The following PPP6R3 variants were observed in gnomAD, a reference collection of about 807,000 sequenced individuals.
The protein encoded by PPP6R3 is serine/threonine-protein phosphatase 6 regulatory subunit 3.
A neutral mutation model predicts 110.7 loss-of-function variants in PPP6R3; 38 were observed. The observed-to-expected ratio is 0.34, with a 90% CI of 0.26 to 0.45. The LOEUF (loss-of-function observed/expected upper bound fraction) is 0.45. Ranked by LOEUF, PPP6R3 falls within the 20% of genes least tolerant of loss-of-function variation. The pLI is 1.00. For synonymous variants in PPP6R3, 369 were observed against 373.5 expected (o/e 0.99, Z 0.14); for missense variants, 870 against 1,062.4 (o/e 0.82, Z 2.52).
intron 1 of PPP6R3, among the ~76,000 whole-genome samples, chr11:68,474,505 G>C (rs1465774308): frequency 6.6e-6 from 1 of 152,038 alleles, no homozygotes; most frequent in East Asian, 1.9e-4. Context: ...CATGTTCATG[G>C]TGAGATTGGC....
chr11:68,574,987 C>T (rs1280122783), intron 13 of PPP6R3, among the ~76,000 whole-genome samples: 3 of 152,160 alleles, frequency 2.0e-5, no homozygotes. Flanking sequence ...AGAGGCTATT[C>T]CCTGTTGAAT....
chr11:68,599,862 GC>G (rs2099625532), intron 19 of PPP6R3, among the ~76,000 whole-genome samples: 1 of 151,842 alleles, frequency 6.6e-6, no homozygotes, highest in African/African-American at 2.4e-5. Context: ...GGTGGCTCAC[GC>G]CTGTAATCCC....
intron 15 of PPP6R3, chr11:68,586,696 C>G (rs1221797269): frequency 1.3e-5 from 2 of 152,176 alleles, no homozygotes; most frequent in African/African-American, 4.8e-5. Flanking sequence ...GTATAGATAC[C>G]TTCCAAAGCC....
intron 2 of PPP6R3, among the ~76,000 whole-genome samples, chr11:68,536,851 C>T (rs1264795990): frequency 6.6e-6 from 1 of 152,150 alleles, no homozygotes; most frequent in African/African-American, 2.4e-5. Flanking sequence ...CTACTGAGGT[C>T]TTTTCCTGTG....
chr11:68,542,389 G>GTTTTTTTTTGTTTTTTTTTTTTT (rs1555132287), intron 3 of PPP6R3, among the ~76,000 whole-genome samples: 4 of 40,188 alleles, frequency 1.0e-4, no homozygotes, highest in Non-Finnish European at 1.7e-4. Flanking sequence ...AGAAGCTGCT[G>GTTTTTTTTTGTTTTTTTTTTTTT]TTTTTTTTTT....
At chr11:68,521,389 TTC>T (rs929112734) in intron 2 of PPP6R3, among the ~76,000 whole-genome samples, 1 of 152,244 alleles carries the variant, frequency 6.6e-6, no homozygotes, top group Non-Finnish European at 1.5e-5. Flanking sequence ...GAGACTTTCC[TTC>T]TCTCTCCTTG....
Position 68,596,113 on chromosome 11 carries a change from A to C in PPP6R3, c.1933A>C (p.Ser645Arg). ...QRRSSSGSTD[S>R]EESTDSEEED... ...TTTCCTTAGCTCGGGGAGTACAGAC[A>C]GTGAGGAAAGTACAGACTCTGAAGA... The change falls in exon 19 of 24, where the codon AGT (serine) becomes CGT (arginine). Residue 645 changes from serine (S) to arginine (R), a missense_variant. Physicochemically the swap from Ser to Arg is moderately radical, Grantham distance 110. Coordinates refer to ENST00000393800, the MANE Select transcript of PPP6R3 (RefSeq NM_001164161.2). The C allele has an allele frequency of 6.2e-7, 1 of 1,614,240 alleles. No individual in the cohort carries two copies. Among genetic ancestry groups the C allele is most frequent in the Non-Finnish European group, 8.5e-7 (1 of 1,180,028 alleles).
At position 68,613,332 on chromosome 11, in the gene PPP6R3, G is replaced by T; in HGVS notation, c.*215G>T. The stretch of plus-strand genomic sequence containing the variant: ...ATTGACAAATACCAAGAATTTTTGC[G>T]TATGTTTATATTGTATTGTTCTAAA... On this transcript the variant is annotated 3_prime_UTR_variant, in exon 24 of 24. Transcript: ENST00000393800. 5 of 1,336,874 alleles carry T rather than the reference G, an allele frequency of 3.7e-6. No homozygotes were observed. The highest frequency in any genetic ancestry group is 4.8e-6 in the Non-Finnish European group (5 of 1,045,990). The allele number at this position is 1,336,874 out of a possible 1,614,324, so 82.8% of individuals were successfully genotyped here.
chr11:68,462,932 A>T (rs1337146529), intron 1 of PPP6R3, among the ~76,000 whole-genome samples: 2 of 152,340 alleles, frequency 1.3e-5, no homozygotes, highest in East Asian at 3.9e-4. Flanking sequence ...TTAGAACTCT[A>T]GCCTTTGTGT....
intron 18 of PPP6R3, among the ~76,000 whole-genome samples, chr11:68,591,966 A>G (rs1775125864): frequency 1.3e-5 from 2 of 152,248 alleles, no homozygotes; most frequent in African/African-American, 4.8e-5. Context: ...AATGTTGCAG[A>G]CAAGCGTAGT....
chr11:68,551,015 A>G, intron 5 of PPP6R3, 106 bp from the exon 6 acceptor site: 1 of 806,756 alleles, frequency 1.2e-6, no homozygotes, highest in Non-Finnish European at 2.0e-6. Context: ...GAAACCTGTA[A>G]CATTCTACTT....
In PPP6R3 at chr11:68,558,658, T is replaced by C. The variant is rs2099408118; in HGVS notation, c.824T>C (p.Leu275Ser). The C allele has an allele frequency of 6.2e-7, 1 of 1,610,972 alleles. No individual in the cohort carries two copies. The highest frequency in any genetic ancestry group is 8.5e-7 in the Non-Finnish European group (1 of 1,178,524). The change falls in exon 8 of 24, where the codon TTA (leucine) becomes TCA (serine). Residue 275 changes from leucine (L) to serine (S), a missense_variant. Transcript: ENST00000393800. ...AGTGCAATCCAGATATTGCTGACTT[T>C]ACTTGAGACACGACGACCAACGTAA... is the stretch of plus-strand genomic sequence containing the variant. ...IVSAIQILLT[L>S]LETRRPTFEG...
intron 1 of PPP6R3, among the ~76,000 whole-genome samples, chr11:68,478,189 A>C (rs1473684679): frequency 2.0e-5 from 3 of 151,682 alleles, no homozygotes; most frequent in Non-Finnish European, 2.9e-5. Context: ...ATCTCGTGAT[A>C]CACCTGCCTC....
chr11:68,494,714 C>A (rs1382871029), intron 1 of PPP6R3, among the ~76,000 whole-genome samples: 1 of 151,888 alleles, frequency 6.6e-6, no homozygotes, highest in Non-Finnish European at 1.5e-5. Flanking sequence ...AAAAATTATC[C>A]TCTGGTATTT....
intron 19 of PPP6R3, among the ~76,000 whole-genome samples, chr11:68,596,531 G>A (rs1566103276): frequency 6.6e-6 from 1 of 152,216 alleles, no homozygotes; most frequent in Non-Finnish European, 1.5e-5. Flanking sequence ...TGCTCTTGCA[G>A]AAGGAAAAGG....
chr11:68,569,946 A>T, intron 11 of PPP6R3, 49 bp downstream of exon 11: 1 of 1,525,920 alleles, frequency 6.6e-7, no homozygotes, highest in Non-Finnish European at 8.9e-7. Context: ...TGGTTATAGC[A>T]GTTTTCCACT....
chr11:68,605,848 G>A (rs1444214824), intron 22 of PPP6R3, among the ~76,000 whole-genome samples: 1 of 152,252 alleles, frequency 6.6e-6, no homozygotes, highest in Non-Finnish European at 1.5e-5. Flanking sequence ...GTCAGTTACA[G>A]TAGTAAGTAA....
At chr11:68,541,884 T>G (rs1033249942) in intron 3 of PPP6R3, among the ~76,000 whole-genome samples, 2 of 151,914 alleles carry the variant, frequency 1.3e-5, no homozygotes, top group Non-Finnish European at 2.9e-5. Context: ...GTTTGTAACA[T>G]GGAGATCATG....
intron 1 of PPP6R3, among the ~76,000 whole-genome samples, chr11:68,477,591 C>T (rs2098841349): frequency 6.6e-6 from 1 of 151,106 alleles, no homozygotes; most frequent in African/African-American, 2.4e-5. Flanking sequence ...GTTGGTATGG[C>T]AGCGTGTGTC....
Sources: gnomAD v4.1 joint callset for allele counts (sites outside exome capture counted in the v4.1 genomes callset) on GRCh38, gnomAD v4.1.1 for gene constraint, MANE v1.5 for transcripts, NCBI Gene and HGNC (gene_info 2026-07-23, HGNC 2026-07-21) for gene names.